The following ADK variants were observed in gnomAD, a reference collection of about 807,000 sequenced individuals.
The protein encoded by ADK is N6,N6-dimethyladenosine kinase.
A neutral mutation model predicts 44.7 loss-of-function variants in ADK; 24 were observed. The ratio of observed to expected loss-of-function variants is 0.54; its 90% CI spans 0.39 to 0.76. ADK has a LOEUF of 0.76. ADK is among the 30% of genes least tolerant of loss of function. The pLI is 0.00. For synonymous variants in ADK, 128 were observed against 142.6 expected, an observed-to-expected ratio of 0.90 and a Z score of 0.73; for missense variants, 321 against 425.1, an observed-to-expected ratio of 0.76 and a Z score of 2.15.
intron 9 of ADK, among the ~76,000 whole-genome samples, chr10:74,606,681 T>C (rs1852334311): frequency 6.6e-6 from 1 of 152,026 alleles, no homozygotes; most frequent in African/African-American, 2.4e-5. Context: ...AGAATAAGCG[T>C]GATGTGGTGC....
chr10:74,171,642 C>A (rs1842161268), intron 1 of ADK, among the ~76,000 whole-genome samples: 1 of 152,154 alleles, frequency 6.6e-6, no homozygotes, highest in South Asian at 2.1e-4. Context: ...AAAAAGACTA[C>A]TGAAGGTTAA....
intron 2 of ADK, among the ~76,000 whole-genome samples, chr10:74,223,644 T>G (rs948507206): frequency 6.6e-6 from 1 of 152,138 alleles, no homozygotes; most frequent in Non-Finnish European, 1.5e-5. Flanking sequence ...AGAAAGTCTG[T>G]TTACCTTCAG....
intron 10 of ADK, among the ~76,000 whole-genome samples, chr10:74,680,784 A>AGT (rs1187774387): frequency 6.6e-6 from 1 of 152,258 alleles, no homozygotes; most frequent in Non-Finnish European, 1.5e-5. Context: ...TGATTGTCAA[A>AGT]TTAACAGCTA....
At chr10:74,304,948 A>G (rs1342113733) in intron 3 of ADK, among the ~76,000 whole-genome samples, 2 of 152,206 alleles carry the variant, frequency 1.3e-5, no homozygotes, top group Non-Finnish European at 2.9e-5. Flanking sequence ...TTTGGTATTC[A>G]TGGGGGATTG....
intron 10 of ADK, among the ~76,000 whole-genome samples, chr10:74,674,548 G>A (rs1035264561): frequency 5.3e-5 from 8 of 151,992 alleles, no homozygotes; most frequent in East Asian, 1.9e-4. Flanking sequence ...GGCCCTGCCC[G>A]TATGGAAAAA....
chr10:74,595,992 C>A (rs1851910825), intron 8 of ADK, among the ~76,000 whole-genome samples: 3 of 104,256 alleles, frequency 2.9e-5, no homozygotes, highest in East Asian at 4.4e-4. Flanking sequence ...AGCGAAATTC[C>A]ATCTCAAAAA....
At chr10:74,152,765 A>C (rs1228323169) in intron 1 of ADK, among the ~76,000 whole-genome samples, 1 of 152,242 alleles carries the variant, frequency 6.6e-6, no homozygotes, top group Non-Finnish European at 1.5e-5. Context: ...AACAATTAGT[A>C]CAGGAACAGA....
In ADK at chr10:74,656,913, G is replaced by A. The variant is rs140983606; in HGVS notation, c.878-13270G>A. Among the ~76,000 whole-genome samples the A allele has an allele frequency of 1.6e-3, 249 of 152,268 alleles. 2 individuals are homozygous for A. Among genetic ancestry groups the A allele is most frequent in the African/African-American group, 5.9e-3 (244 of 41,556 alleles). ...CTCATTCTTTCACCTAGGCTGGGGT[G>A]CGGTGGCACAATCACAGCTCACTGC... On this transcript the variant is annotated intron_variant, in intron 9 of 10. Coordinates refer to ENST00000539909, the MANE Select transcript of ADK (RefSeq NM_006721.4).
At chr10:74,446,142 A>C (rs1845579008) in intron 6 of ADK, among the ~76,000 whole-genome samples, 2 of 152,036 alleles carry the variant, frequency 1.3e-5, no homozygotes, top group Admixed American at 1.3e-4. Flanking sequence ...TTTTTCTTTC[A>C]TACTGATTTA....
At chr10:74,200,415 T>A (rs1417125761) in intron 1 of ADK, among the ~76,000 whole-genome samples, 1 of 146,560 alleles carries the variant, frequency 6.8e-6, no homozygotes, top group African/African-American at 2.5e-5. Context: ...ACCTGGGAGG[T>A]GGAGGTTGCA....
At position 74,653,343 on chromosome 10, in the gene ADK, A is replaced by G. The variant is rs536955699; in HGVS notation, c.878-16840A>G. Among the ~76,000 whole-genome samples, 5 of 152,074 alleles carry G rather than the reference A, an allele frequency of 3.3e-5. No homozygotes were observed. In the South Asian group the frequency reaches 1.0e-3, roughly 32 times the overall value. ...GGTGGGCACTTTTAATCCCAGCTACACGGGAGGGTAAGGCAGGAGAATTGC... is the reference window on the plus strand; with the variant it reads ...GGTGGGCACTTTTAATCCCAGCTACGCGGGAGGGTAAGGCAGGAGAATTGC... On this transcript the variant is annotated intron_variant, in intron 9 of 10. Transcript: ENST00000539909.
At chr10:74,402,462 A>G (rs1843749099) in intron 6 of ADK, among the ~76,000 whole-genome samples, 1 of 151,584 alleles carries the variant, frequency 6.6e-6, no homozygotes, top group Non-Finnish European at 1.5e-5. Context: ...TTTTTTCTCT[A>G]AACTACTCTT....
At position 74,389,956 on chromosome 10, in the gene ADK, G is replaced by A. The variant is rs540836013; in HGVS notation, c.274-4185G>A. ...CATGTAGACTCTCTGATTATAACTA[G>A]GCTAAATTATATAATAATGACTTTA... On this transcript the variant is annotated intron_variant, in intron 4 of 10. Transcript: ENST00000539909. 1.2e-4 allele frequency among the ~76,000 whole-genome samples: 18 copies of A among 151,988 alleles called. No homozygotes were observed. In the South Asian group the frequency reaches 3.7e-3, roughly 32 times the overall value.
intron 10 of ADK, among the ~76,000 whole-genome samples, chr10:74,688,188 A>G (rs1473914187): frequency 6.6e-6 from 1 of 152,096 alleles, no homozygotes; most frequent in Non-Finnish European, 1.5e-5. Context: ...TTAAAAGTCA[A>G]CTCTTCTGTA....
chr10:74,235,658 A>C (rs1390128700), intron 3 of ADK, among the ~76,000 whole-genome samples: 1 of 152,154 alleles, frequency 6.6e-6, no homozygotes, highest in African/African-American at 2.4e-5. Flanking sequence ...TTTGTTATCA[A>C]AGTCTACCAA....
intron 2 of ADK, among the ~76,000 whole-genome samples, chr10:74,208,121 G>C (rs561866012): frequency 1.3e-5 from 2 of 152,384 alleles, no homozygotes; most frequent in Admixed American, 6.5e-5. Flanking sequence ...TGCTGGGATC[G>C]AGGAGAGGCC....
intron 1 of ADK, among the ~76,000 whole-genome samples, chr10:74,161,444 C>T (rs1841894609): frequency 2.0e-5 from 3 of 152,222 alleles, no homozygotes; most frequent in South Asian, 2.1e-4. Context: ...CTCCTGATCT[C>T]GTGATCTACC....
chr10:74,180,210 TA>T (rs1449188129), intron 1 of ADK, among the ~76,000 whole-genome samples: 1 of 74,910 alleles, frequency 1.3e-5, no homozygotes, highest in Non-Finnish European at 3.7e-5. Context: ...CTTTTCTTTT[TA>T]TTATTATTAT....
rs896541020 is a variant in ADK at position 74,620,703 on chromosome 10, CT to C, written c.877+20219del. Among the ~76,000 whole-genome samples, 7 of 151,000 alleles carry C rather than the reference CT, an allele frequency of 4.6e-5. No individual in the cohort carries two copies. The East Asian group carries it at 1.4e-3, about 29-fold the overall frequency. ...TTCTCTGCATCCTCACCAGCATCTG[CT>C]TTTTTTTTCTCTTTTTAATGATAGC... On this transcript the variant is annotated intron_variant, in intron 9 of 10. Transcript: ENST00000539909.
Sources: gnomAD v4.1 joint callset for allele counts (sites outside exome capture counted in the v4.1 genomes callset) on GRCh38, gnomAD v4.1.1 for gene constraint, MANE v1.5 for transcripts, NCBI Gene and HGNC (gene_info 2026-07-23, HGNC 2026-07-21) for gene names.